Variants in METTL15 observed in about 807,000 individuals in gnomAD.
The protein encoded by METTL15 is methyltransferase 15, mitochondrial 12S rRNA N4-cytidine.
METTL15 carries 34 observed loss-of-function variants against 38.3 expected under a neutral mutation model. The ratio of observed to expected loss-of-function variants is 0.89; its 90% confidence interval spans 0.68 to 1.18. The LOEUF is 1.18. METTL15 is among the 50% of genes most tolerant of loss of function. METTL15 has a pLI of 0.00. For missense variants in METTL15, 438 were observed against 498.4 expected, an observed-to-expected ratio of 0.88 and a Z score of 1.15; for synonymous variants, 162 against 170.9, an observed-to-expected ratio of 0.95 and a Z score of 0.41.
At chr11:28,270,096 C>T (rs1010103031) in intron 4 of METTL15, among the ~76,000 whole-genome samples, 7 of 152,190 alleles carry the variant, frequency 4.6e-5, no homozygotes, top group South Asian at 4.1e-4. Flanking sequence ...ATTATTACTA[C>T]TGTTATTGTT....
intron 5 of METTL15, among the ~76,000 whole-genome samples, chr11:28,385,888 G>A (rs903736840): frequency 6.6e-6 from 1 of 152,006 alleles, no homozygotes; most frequent in African/African-American, 2.4e-5. Context: ...AATCACTTTT[G>A]ATTTGTGCAT....
intron 3 of METTL15, among the ~76,000 whole-genome samples, chr11:28,203,491 CTT>C (rs1852191957): frequency 6.6e-6 from 1 of 151,986 alleles, no homozygotes; most frequent in African/African-American, 2.4e-5. Context: ...AAAGAGAAAA[CTT>C]TTTGAAGAAA....
chr11:28,385,805 G>C (rs908558532), intron 5 of METTL15, among the ~76,000 whole-genome samples: 3 of 151,736 alleles, frequency 2.0e-5, no homozygotes, highest in East Asian at 1.9e-4. Flanking sequence ...TTAATTTTCT[G>C]TGTGTGTGTG....
intron 6 of METTL15, among the ~76,000 whole-genome samples, chr11:28,510,199 A>G (rs938161145): frequency 6.6e-6 from 1 of 152,178 alleles, no homozygotes; most frequent in Non-Finnish European, 1.5e-5. Context: ...AAAATAAATT[A>G]CTAAAGGAAA....
intron 5 of METTL15, among the ~76,000 whole-genome samples, chr11:28,295,432 A>G (rs1453257169): frequency 1.3e-5 from 2 of 151,992 alleles, no homozygotes; most frequent in Non-Finnish European, 2.9e-5. Flanking sequence ...ACCTTACAAG[A>G]CATTCATTGT....
intron 4 of METTL15, among the ~76,000 whole-genome samples, chr11:28,289,120 C>T (rs1213908151): frequency 6.6e-6 from 1 of 152,188 alleles, no homozygotes; most frequent in African/African-American, 2.4e-5. Flanking sequence ...TTTTAATTTT[C>T]CCAATAAGAA....
intron 6 of METTL15, among the ~76,000 whole-genome samples, chr11:28,318,171 A>G (rs1447504547): frequency 1.3e-5 from 2 of 152,162 alleles, no homozygotes; most frequent in Admixed American, 1.3e-4. Flanking sequence ...AATATTGTTT[A>G]TGATACGTCT....
At chr11:28,423,113 A>T (rs968785916) in intron 5 of METTL15, among the ~76,000 whole-genome samples, 2 of 152,088 alleles carry the variant, frequency 1.3e-5, no homozygotes, top group East Asian at 3.8e-4. Flanking sequence ...AACATCACTT[A>T]TCAGAGAAAC....
chr11:28,110,915 C>T (rs1267798733), intron 2 of METTL15, among the ~76,000 whole-genome samples: 3 of 152,308 alleles, frequency 2.0e-5, no homozygotes, highest in Middle Eastern at 3.4e-3. Context: ...GTTTTCCTGA[C>T]TCCCTGCTTC....
chr11:28,256,127 T>C (rs185315386), intron 4 of METTL15, among the ~76,000 whole-genome samples: 164 of 152,352 alleles, frequency 1.1e-3, no homozygotes, highest in African/African-American at 2.2e-3. Flanking sequence ...GGTTTTTGCA[T>C]TAATATTTAT....
At chr11:28,240,900 T>G (rs977225533) in intron 4 of METTL15, among the ~76,000 whole-genome samples, 154 of 152,226 alleles carry the variant, frequency 1.0e-3, no homozygotes, top group African/African-American at 3.6e-3. Flanking sequence ...TGTTTCAAAC[T>G]TTTTTTAAAA....
At chr11:28,325,349 C>A (rs925268025) in intron 6 of METTL15, among the ~76,000 whole-genome samples, 5 of 152,182 alleles carry the variant, frequency 3.3e-5, no homozygotes, top group Non-Finnish European at 5.9e-5. Context: ...ACCCGCTAGG[C>A]TGAGCAAGAC....
At chr11:28,277,253 T>C (rs933696710) in intron 4 of METTL15, among the ~76,000 whole-genome samples, 17 of 152,134 alleles carry the variant, frequency 1.1e-4, no homozygotes, top group Admixed American at 3.9e-4. Flanking sequence ...GAAAAGAAAT[T>C]AGTGTATCAA....
chr11:28,356,425 G>A (rs967801403), intron 4 of METTL15, among the ~76,000 whole-genome samples: 1 of 152,156 alleles, frequency 6.6e-6, no homozygotes, highest in African/African-American at 2.4e-5. Context: ...ATATGGGAAG[G>A]TTAGATCGAA....
intron 5 of METTL15, chr11:28,398,780 T>A (rs1018217155): frequency 6.6e-6 from 1 of 152,116 alleles, no homozygotes; most frequent in Middle Eastern, 3.4e-3. Context: ...GCCTCTGTTT[T>A]CTTCTAGGGT....
intron 4 of METTL15, among the ~76,000 whole-genome samples, chr11:28,237,212 C>T (rs1854032598): frequency 6.6e-6 from 1 of 152,142 alleles, no homozygotes; most frequent in Admixed American, 6.5e-5. Flanking sequence ...AACTTGGTTC[C>T]ATTCTCCCCA....
Position 28,435,948 on chromosome 11 carries a change from G to A in METTL15, c.*424+11584G>A, listed in dbSNP as rs147262388. On this transcript the variant is annotated intron_variant and NMD_transcript_variant, in intron 6 of 7. Transcript: ENST00000532947. ...ATAAAAACAGTTTTATGTCCCTCCC[G>A]GAAAATCATGGACTCCCTATTTTCT... Among the ~76,000 whole-genome samples, 102 of 152,208 alleles carry A rather than the reference G, an allele frequency of 6.7e-4. No individual in the cohort carries two copies. The East Asian group carries it at 0.012, about 17-fold the overall frequency.
chr11:28,125,884 T>C (rs1852460677), intron 3 of METTL15: 1 of 152,108 alleles, frequency 6.6e-6, no homozygotes, highest in Non-Finnish European at 1.5e-5. Flanking sequence ...ATTTTGAATA[T>C]TTTTTGTTTC....
chr11:28,458,379 A>G (rs1392092719), intron 6 of METTL15, among the ~76,000 whole-genome samples: 5 of 152,202 alleles, frequency 3.3e-5, no homozygotes, highest in Admixed American at 2.0e-4. Flanking sequence ...ATCAACCTCT[A>G]TCATAACTCT....
Sources: allele counts gnomAD v4.1 joint callset (sites outside exome capture counted in the v4.1 genomes callset), GRCh38; gene constraint gnomAD v4.1.1; transcripts MANE v1.5; gene names NCBI Gene and HGNC (gene_info 2026-07-23, HGNC 2026-07-21).